NBAS: variants seen among roughly 807,000 people sequenced by gnomAD.
The protein encoded by NBAS is NBAS subunit of NRZ tethering complex.
NBAS carries 219 observed loss-of-function variants against 302.5 expected under a neutral mutation model. The observed-to-expected ratio is 0.72, with a 90% CI of 0.65 to 0.81. The LOEUF (loss-of-function observed/expected upper bound fraction) is 0.81. Among genes scored for constraint, NBAS ranks in the 30% least tolerant of loss-of-function variants. The pLI is 0.00. For synonymous variants in NBAS, 1,118 were observed against 1,021.6 expected, an observed-to-expected ratio of 1.09 and a Z score of -1.80; for missense variants, 2,932 against 2,841.6, an observed-to-expected ratio of 1.03 and a Z score of -0.72.
intron 7 of NBAS, chr2:15,538,301 C>A: frequency 2.2e-6 from 1 of 450,440 alleles, no homozygotes; most frequent in Non-Finnish European, 4.5e-6. Context: ...AATAAGAATC[C>A]AGACTCCTTA....
the NBAS span, among the ~76,000 whole-genome samples, chr2:14,849,902 G>T: frequency 1.0e-3 from 141 of 137,472 alleles, 6 homozygotes; most frequent in Middle Eastern, 3.5e-3. Flanking sequence ...TCACCACCAG[G>T]CCTGCCCTAA....
chr2:15,289,424 T>G (rs747136312), intron 41 of NBAS, among the ~76,000 whole-genome samples: 14 of 152,260 alleles, frequency 9.2e-5, no homozygotes, highest in South Asian at 2.1e-4. Flanking sequence ...CTTGAAGTAT[T>G]TATTTGAGTA....
chr2:15,348,874 A>G (rs1673219162), intron 35 of NBAS, among the ~76,000 whole-genome samples: 1 of 152,200 alleles, frequency 6.6e-6, no homozygotes, highest in East Asian at 1.9e-4. Flanking sequence ...ATACCACGTC[A>G]CACCGTAAAG....
chr2:15,482,829 T>G (rs968756348), intron 12 of NBAS, among the ~76,000 whole-genome samples: 1 of 152,156 alleles, frequency 6.6e-6, no homozygotes, highest in Admixed American at 6.5e-5. Flanking sequence ...TTAAATAAAT[T>G]TGTTATGCTT....
In NBAS at chr2:15,352,037, C is replaced by T. The variant is rs200351607; in HGVS notation, c.4134G>A (p.Gly1378=). 31 of 1,612,110 alleles carry T rather than the reference C, an allele frequency of 1.9e-5. No individual in the cohort carries two copies. In the Admixed American group the frequency reaches 3.2e-4, roughly 16 times the overall value. ...RVNFQIHHEG[G]ENISASPLTS... is the part of the protein sequence containing the mutation. ...TTAATGGTGAAGCACTGATATTTTC[C>T]CCTCCTTCATGATGGATCTGGAAAT... Residue 1378 remains glycine (G), a synonymous_variant, in exon 35 of 52, where the codon GGG becomes GGA. Coordinates refer to ENST00000281513, the MANE Select transcript of NBAS (RefSeq NM_015909.4).
At chr2:15,143,584 G>A in the NBAS span, among the ~76,000 whole-genome samples, 3 of 152,070 alleles carry the variant, frequency 2.0e-5, no homozygotes. Context: ...CAGAGCACGT[G>A]TGTCCCTCTG....
the NBAS span, among the ~76,000 whole-genome samples, chr2:15,042,211 CT>C: frequency 2.0e-5 from 3 of 152,220 alleles, no homozygotes; most frequent in African/African-American, 7.2e-5. Flanking sequence ...CCGTTCTTCT[CT>C]GCCTGTAAGT....
intron 12 of NBAS, among the ~76,000 whole-genome samples, chr2:15,485,061 C>T (rs1245553000): frequency 6.6e-6 from 1 of 152,006 alleles, no homozygotes; most frequent in Non-Finnish European, 1.5e-5. Context: ...TTACCACCTT[C>T]CCCCAACCCC....
At chr2:14,849,984 A>C in the NBAS span, among the ~76,000 whole-genome samples, 1 of 139,464 alleles carries the variant, frequency 7.2e-6, no homozygotes, top group Non-Finnish European at 1.5e-5. Flanking sequence ...TCATGCCAAA[A>C]TGTAGACAAT....
chr2:14,857,784 C>T, the NBAS span, among the ~76,000 whole-genome samples: 2 of 152,136 alleles, frequency 1.3e-5, no homozygotes, highest in Admixed American at 1.3e-4. Flanking sequence ...TTGAGTAATA[C>T]CCACACGCAC....
intron 35 of NBAS, among the ~76,000 whole-genome samples, chr2:15,351,789 G>A (rs182810006): frequency 1.3e-5 from 2 of 151,708 alleles, no homozygotes; most frequent in East Asian, 3.9e-4. Flanking sequence ...TATTGAGCTG[G>A]ACATTTTTTG....
chr2:15,116,790 C>A, the NBAS span, among the ~76,000 whole-genome samples: 1 of 152,084 alleles, frequency 6.6e-6, no homozygotes, highest in Non-Finnish European at 1.5e-5. Flanking sequence ...GTCTCAGGAT[C>A]TTTTAAAAGA....
At chr2:15,253,064 G>A (rs888749252) in intron 44 of NBAS, among the ~76,000 whole-genome samples, 9 of 152,242 alleles carry the variant, frequency 5.9e-5, no homozygotes, top group Middle Eastern at 3.4e-3. Context: ...AAAGAGGACA[G>A]AATGAGGAAT....
intron 47 of NBAS, among the ~76,000 whole-genome samples, chr2:15,221,578 T>G (rs1420845403): frequency 6.6e-6 from 1 of 152,142 alleles, no homozygotes; most frequent in Non-Finnish European, 1.5e-5. Flanking sequence ...AAATTACTAA[T>G]ATAAATGTGA....
chr2:15,218,749 A>T, intron 48 of NBAS, 24 bp downstream of exon 48: 1 of 1,614,150 alleles, frequency 6.2e-7, no homozygotes, highest in Non-Finnish European at 8.5e-7. Context: ...AGTAAGAAAA[A>T]TAATCATTCA....
At chr2:14,986,885 A>T in the NBAS span, among the ~76,000 whole-genome samples, 1 of 152,148 alleles carries the variant, frequency 6.6e-6, no homozygotes, top group African/African-American at 2.4e-5. Context: ...CTCAAATTCC[A>T]TAGGAAAAAA....
At chr2:14,843,582 A>ACACACACACACACACAC in the NBAS span, among the ~76,000 whole-genome samples, 86 of 150,906 alleles carry the variant, frequency 5.7e-4, no homozygotes, top group African/African-American at 1.5e-3. Context: ...ACACACACAC[A>ACACACACACACACACAC]AAAATACCTT....
At chr2:14,911,005 T>G in the NBAS span, among the ~76,000 whole-genome samples, 2 of 152,210 alleles carry the variant, frequency 1.3e-5, no homozygotes, top group Non-Finnish European at 2.9e-5. Flanking sequence ...GATTACAACT[T>G]CAGAAAAGTT....
the NBAS span, among the ~76,000 whole-genome samples, chr2:14,824,451 T>C: frequency 6.6e-6 from 1 of 151,710 alleles, no homozygotes; most frequent in African/African-American, 2.4e-5. Context: ...AATATAGGAG[T>C]CCAATAAATA....
Sources: allele counts gnomAD v4.1 joint callset (sites outside exome capture counted in the v4.1 genomes callset), GRCh38; gene constraint gnomAD v4.1.1; transcripts MANE v1.5; gene names NCBI Gene and HGNC (gene_info 2026-07-23, HGNC 2026-07-21).